Variants in MEI4 observed in about 807,000 individuals in gnomAD.
MEI4 encodes the protein meiosis-specific protein MEI4.
In MEI4, 27 loss-of-function variants were observed where a neutral mutation model predicts 31.4. The ratio of observed to expected loss-of-function variants is 0.86; its 90% CI spans 0.63 to 1.19. MEI4 has a LOEUF of 1.19. MEI4 is among the 50% of genes most tolerant of loss of function. MEI4 has a pLI of 0.00. For synonymous variants in MEI4, 122 were observed against 145.4 expected, an observed-to-expected ratio of 0.84 and a Z score of 1.16; for missense variants, 329 against 398.9, an observed-to-expected ratio of 0.82 and a Z score of 1.49.
intron 2 of MEI4, among the ~76,000 whole-genome samples, chr6:77,748,274 G>T (rs1411615243): frequency 6.6e-6 from 1 of 152,230 alleles, no homozygotes; most frequent in Non-Finnish European, 1.5e-5. Flanking sequence ...TCCCCCTGCA[G>T]CAGACTTCTG....
chr6:77,677,127 A>G (rs1316099310), intron 1 of MEI4, among the ~76,000 whole-genome samples: 2 of 152,206 alleles, frequency 1.3e-5, no homozygotes, highest in Non-Finnish European at 2.9e-5. Context: ...TATAAGGTTT[A>G]TTATTACCTT....
chr6:77,759,367 C>A (rs1767993694), intron 2 of MEI4, among the ~76,000 whole-genome samples: 1 of 152,006 alleles, frequency 6.6e-6, no homozygotes, highest in Non-Finnish European at 1.5e-5. Context: ...TTTATAGTTT[C>A]TGCTATCTAC....
intron 4 of MEI4, among the ~76,000 whole-genome samples, chr6:77,908,203 T>G (rs1396293462): frequency 3.9e-5 from 6 of 152,198 alleles, no homozygotes; most frequent in Non-Finnish European, 8.8e-5. Flanking sequence ...TTTTGGTGTT[T>G]TAGCCATGAA....
At chr6:77,698,990 C>G (rs1267383100) in intron 2 of MEI4, among the ~76,000 whole-genome samples, 2 of 151,850 alleles carry the variant, frequency 1.3e-5, no homozygotes, top group Admixed American at 6.6e-5. Flanking sequence ...TTTCTCTAAA[C>G]TTCCCTTCTC....
intron 4 of MEI4, among the ~76,000 whole-genome samples, chr6:77,871,521 AATAAC>A (rs1183888535): frequency 6.6e-6 from 1 of 152,084 alleles, no homozygotes; most frequent in Non-Finnish European, 1.5e-5. Context: ...TACAGATGGG[AATAAC>A]AGACACTGGA....
At chr6:77,876,133 T>C (rs1011120957) in intron 4 of MEI4, among the ~76,000 whole-genome samples, 3 of 152,208 alleles carry the variant, frequency 2.0e-5, no homozygotes, top group Non-Finnish European at 2.9e-5. Context: ...ATATGATAGA[T>C]AGTTTCTTTA....
chr6:77,791,631 T>C (rs928518881), intron 3 of MEI4, among the ~76,000 whole-genome samples: 62 of 149,756 alleles, frequency 4.1e-4, no homozygotes, highest in African/African-American at 1.5e-3. Flanking sequence ...TGTATACATA[T>C]GTAACTAACC....
chr6:77,737,064 G>T (rs1370167471), intron 2 of MEI4, among the ~76,000 whole-genome samples: 4 of 152,180 alleles, frequency 2.6e-5, no homozygotes, highest in Non-Finnish European at 4.4e-5. Context: ...TTGAAGCCTA[G>T]TAAGAAAAGG....
chr6:77,703,645 G>T (rs902708167), intron 2 of MEI4, among the ~76,000 whole-genome samples: 1 of 152,046 alleles, frequency 6.6e-6, no homozygotes, highest in African/African-American at 2.4e-5. Flanking sequence ...CGTACCATGA[G>T]GATTCTGGAT....
At chr6:77,779,083 T>A (rs1768529661) in intron 3 of MEI4, among the ~76,000 whole-genome samples, 1 of 152,138 alleles carries the variant, frequency 6.6e-6, no homozygotes, top group Admixed American at 6.5e-5. Context: ...TTTAAGGCTA[T>A]GGGAAAACAA....
chr6:77,871,400 TCATAA>T (rs1299224387), intron 4 of MEI4, among the ~76,000 whole-genome samples: 10 of 152,088 alleles, frequency 6.6e-5, no homozygotes, highest in South Asian at 4.1e-4. Context: ...AATACACATA[TCATAA>T]CATATCATAA....
intron 4 of MEI4, among the ~76,000 whole-genome samples, chr6:77,842,622 A>G (rs936131220): frequency 2.0e-5 from 3 of 152,118 alleles, no homozygotes; most frequent in African/African-American, 4.8e-5. Flanking sequence ...GTCCACTTCC[A>G]TTGCAGTCAT....
At chr6:77,696,217 C>G (rs1766035972) in intron 2 of MEI4, among the ~76,000 whole-genome samples, 1 of 152,120 alleles carries the variant, frequency 6.6e-6, no homozygotes, top group South Asian at 2.1e-4. Flanking sequence ...CAAACAGGGA[C>G]AATTTGACTT....
At chr6:77,769,941 G>A (rs1202652665) in intron 3 of MEI4, among the ~76,000 whole-genome samples, 3 of 151,748 alleles carry the variant, frequency 2.0e-5, no homozygotes, top group African/African-American at 7.3e-5. Context: ...GGTAACTTTG[G>A]GGAGAGACCA....
chr6:77,744,194 C>G (rs1247572170), intron 2 of MEI4, among the ~76,000 whole-genome samples: 1 of 151,962 alleles, frequency 6.6e-6, no homozygotes, highest in Non-Finnish European at 1.5e-5. Flanking sequence ...AAATTCAAAC[C>G]AAAGGCAAAG....
intron 2 of MEI4, among the ~76,000 whole-genome samples, chr6:77,707,679 CT>C (rs1223746661): frequency 6.6e-6 from 1 of 152,178 alleles, no homozygotes; most frequent in Non-Finnish European, 1.5e-5. Flanking sequence ...GCCCAGAGTC[CT>C]AGAAGGAAGG....
Position 77,792,513 on chromosome 6 carries a change from G to A in MEI4, c.768+30848G>A, listed in dbSNP as rs57134247. ...TGGTAATCATTCTAAAAGGTGTGAG[G>A]TGACATCTTTTTGGATCATATACAA... On this transcript the variant is annotated intron_variant, in intron 3 of 4. Transcript: ENST00000684080. 5.9e-3 allele frequency among the ~76,000 whole-genome samples: 899 copies of A among 152,138 alleles called. 11 individuals are homozygous for A. The highest frequency in any genetic ancestry group is 0.021 in the African/African-American group (864 of 41,524).
rs1411099425 is a variant in MEI4, at chr6:77,723,208, A to AT, written c.232+32311dup. ...CAGGGGGCCATATACCCCTGTAGGGATTTTTTGTGGGGGCTCCCCTGGAAG... is the reference window on the plus strand; with the variant it reads ...CAGGGGGCCATATACCCCTGTAGGGATTTTTTTGTGGGGGCTCCCCTGGAAG... On this transcript the variant is annotated intron_variant, in intron 2 of 4. Coordinates refer to ENST00000684080, the MANE Select transcript of MEI4 (RefSeq NM_001322247.2). Among the ~76,000 whole-genome samples, 4 of 143,772 alleles carry AT rather than the reference A, an allele frequency of 2.8e-5. No homozygotes were observed. In the East Asian group the frequency reaches 6.2e-4, roughly 22 times the overall value. 94.3% of individuals were successfully genotyped at this position (143,772 alleles called of 152,430 possible). A position where few individuals can be genotyped will look rare whatever the true frequency, so the allele number is the denominator to read the frequency against.
intron 2 of MEI4, among the ~76,000 whole-genome samples, chr6:77,735,613 T>C (rs904092232): frequency 3.3e-5 from 5 of 152,128 alleles, no homozygotes; most frequent in Admixed American, 2.6e-4. Flanking sequence ...TTTGATTGTC[T>C]GAAGCCTTCT....
Sources: allele counts gnomAD v4.1 joint callset (sites outside exome capture counted in the v4.1 genomes callset), GRCh38; gene constraint gnomAD v4.1.1; transcripts MANE v1.5; gene names NCBI Gene and HGNC (gene_info 2026-07-23, HGNC 2026-07-21).